RYR2: variants seen among roughly 807,000 people sequenced by gnomAD.
RYR2 encodes the protein ryanodine receptor 2, also known as cardiac muscle ryanodine receptor-calcium release channel.
RYR2 carries 227 observed loss-of-function variants against 601.1 expected under a neutral mutation model. The observed-to-expected ratio is 0.38, with a 90% CI of 0.34 to 0.42. The LOEUF (loss-of-function observed/expected upper bound fraction) is 0.42. Among genes scored for constraint, RYR2 ranks in the 10% least tolerant of loss-of-function variants. RYR2 has a pLI of 1.00. For missense variants in RYR2, 4,646 were observed against 6,156.5 expected (o/e 0.75, Z 8.21); for synonymous variants, 2,223 against 2,175.1 (o/e 1.02, Z -0.61).
At chr1:237,565,115 TTTTCTTTCTTTC>T (rs367736284) in intron 27 of RYR2, among the ~76,000 whole-genome samples, 1 of 8,764 alleles carries the variant, frequency 1.1e-4, no homozygotes, top group African/African-American at 1.4e-4. Context: ...CTTTCTTTCT[TTTTCTTTCTTTC>T]TTTCTTTCTT....
In RYR2 at chr1:237,617,440, T is replaced by A; in HGVS notation, c.5870T>A (p.Leu1957His). The stretch of plus-strand genomic sequence containing the variant: ...CAAGCCTTAAACATGTCAGCTGCAC[T>A]CACAGCCAGGAAGACAAAGGAATTT... ...VMQALNMSAA[L>H]TARKTKEFRS... is the part of the protein sequence containing the mutation. Residue 1957 changes from leucine to histidine, a missense_variant, in exon 38 of 105, where the codon CTC (leucine) becomes CAC (histidine). Transcript: ENST00000366574. The A allele has an allele frequency of 6.2e-7, 1 of 1,613,920 alleles. No individual in the cohort carries two copies. Among genetic ancestry groups the A allele is most frequent in the Non-Finnish European group, 8.5e-7 (1 of 1,179,852 alleles).
intron 84 of RYR2, among the ~76,000 whole-genome samples, chr1:237,768,006 G>T (rs561023033): frequency 6.6e-6 from 1 of 152,150 alleles, no homozygotes; most frequent in African/African-American, 2.4e-5. Flanking sequence ...ACCTGATAAA[G>T]AGAATGTTAG....
At chr1:237,272,125 G>A (rs974730414) in intron 2 of RYR2, among the ~76,000 whole-genome samples, 2 of 152,066 alleles carry the variant, frequency 1.3e-5, no homozygotes, top group African/African-American at 4.8e-5. Flanking sequence ...GCAAGATTCT[G>A]TCAAAAAGAA....
intron 2 of RYR2, among the ~76,000 whole-genome samples, chr1:237,329,914 T>A (rs16835142): frequency 6.6e-6 from 1 of 151,998 alleles, no homozygotes. Flanking sequence ...AATACAGATA[T>A]ACACAGAACA....
chr1:237,561,692 C>T (rs1671472706), intron 27 of RYR2, among the ~76,000 whole-genome samples: 1 of 152,072 alleles, frequency 6.6e-6, no homozygotes, highest in Non-Finnish European at 1.5e-5. Context: ...GCAAACTCAG[C>T]TAAGAAATGT....
chr1:237,181,456 T>C (rs1678748975), intron 1 of RYR2, among the ~76,000 whole-genome samples: 1 of 152,198 alleles, frequency 6.6e-6, no homozygotes, highest in Non-Finnish European at 1.5e-5. Context: ...CAAGAGAGGC[T>C]CTTTAACATC....
chr1:237,473,442 T>TTTCTTTCTTTCTTTCTTTCTTTC lies in RYR2; in HGVS notation c.1708+4275_1708+4276insTTCTTCTTTCTTTCTTTCTTTCT, dbSNP rs1553464684. Among the ~76,000 whole-genome samples the TTTCTTTCTTTCTTTCTTTCTTTC allele has an allele frequency of 5.3e-5, 3 of 56,664 alleles. 1 individual carries two copies. Among genetic ancestry groups the TTTCTTTCTTTCTTTCTTTCTTTC allele is most frequent in the African/African-American group, 1.1e-4 (3 of 26,474 alleles). The allele number at this position is 56,664 out of a possible 152,430, so 37.2% of individuals were successfully genotyped here. ...CCATCTCTCTCTCTCTCTTTCTTTC[T>TTTCTTTCTTTCTTTCTTTCTTTC]TTCTTTCTTTCTTTCTTTCTATCTA... On this transcript the variant is annotated intron_variant, in intron 17 of 104. Transcript: ENST00000366574.
At chr1:237,799,960 G>GT (rs2149411457) in intron 97 of RYR2, 1 of 151,166 alleles carries the variant, frequency 6.6e-6, no homozygotes, top group South Asian at 2.1e-4. Flanking sequence ...GAGCTTTGGA[G>GT]TCCCCCCGCC....
At chr1:237,125,076 T>G (rs1217775424) in intron 1 of RYR2, among the ~76,000 whole-genome samples, 1 of 152,206 alleles carries the variant, frequency 6.6e-6, no homozygotes, top group Non-Finnish European at 1.5e-5. Flanking sequence ...GGCTGCAGAG[T>G]TAACACGTGC....
Position 237,819,266 on chromosome 1 carries a change from G to A in RYR2, c.14590+74G>A. Reference sequence around the variant, plus strand: ...CATGTTGCTGAAGTTAATATTCAAGGTAGGGTAATGACGTCAAGTGTTTCC... The same window carrying A: ...CATGTTGCTGAAGTTAATATTCAAGATAGGGTAATGACGTCAAGTGTTTCC... On this transcript the variant is annotated intron_variant, in intron 101 of 104. Transcript: ENST00000366574. The surrounding 1 kb of genome is among the most constrained non-coding windows in gnomAD (Gnocchi z 4.0). 8.5e-6 allele frequency: 12 copies of A among 1,403,514 alleles called. No individual in the cohort carries two copies. Among genetic ancestry groups the A allele is most frequent in the Non-Finnish European group, 1.1e-5 (11 of 1,004,368 alleles). The allele number at this position is 1,403,514 out of a possible 1,614,324, so 86.9% of individuals were successfully genotyped here. A position where few individuals can be genotyped will look rare whatever the true frequency, so the allele number is the denominator to read the frequency against.
At chr1:237,589,182 T>C (rs1257148099) in intron 29 of RYR2, among the ~76,000 whole-genome samples, 1 of 152,218 alleles carries the variant, frequency 6.6e-6, no homozygotes, top group Admixed American at 6.5e-5. Flanking sequence ...ATTAAACATG[T>C]ATTTTTCCCC....
chr1:237,807,841 A>C (rs1574040613), intron 99 of RYR2, among the ~76,000 whole-genome samples: 2 of 152,206 alleles, frequency 1.3e-5, no homozygotes, highest in Admixed American at 1.3e-4. Flanking sequence ...TGCAGTCAAG[A>C]CCATAAAGAT....
At chr1:237,494,586 A>G (rs1240475847) in intron 19 of RYR2, among the ~76,000 whole-genome samples, 2 of 152,130 alleles carry the variant, frequency 1.3e-5, no homozygotes, top group African/African-American at 2.4e-5. Context: ...GCATCCTTCA[A>G]TCCAATCAAG....
At chr1:237,458,225 C>T (rs543969199) in intron 16 of RYR2, among the ~76,000 whole-genome samples, 3 of 152,180 alleles carry the variant, frequency 2.0e-5, no homozygotes, top group Non-Finnish European at 2.9e-5. Context: ...GTCAGGATTT[C>T]GAGACCAGCC....
In RYR2 at chr1:237,304,444, A is replaced by G. The variant is rs970997319; in HGVS notation, c.169-26434A>G. Reference sequence around the variant, plus strand: ...CTACACAAATGTAAATTGCTCTTAAAGAGGAAAATCTCTGATTATTCTGAA... The same window carrying G: ...CTACACAAATGTAAATTGCTCTTAAGGAGGAAAATCTCTGATTATTCTGAA... On this transcript the variant is annotated intron_variant, in intron 2 of 104. Transcript: ENST00000366574. Among the ~76,000 whole-genome samples, 11 of 152,264 alleles carry G rather than the reference A, an allele frequency of 7.2e-5. 1 individual carries two copies. The highest frequency in any genetic ancestry group is 5.8e-4 in the East Asian group (3 of 5,202).
intron 1 of RYR2, among the ~76,000 whole-genome samples, chr1:237,053,611 CCTT>C (rs1403396424): frequency 6.6e-6 from 1 of 152,238 alleles, no homozygotes; most frequent in Non-Finnish European, 1.5e-5. Context: ...GGTCTCTTCT[CCTT>C]CATTCTGAAA....
At chr1:237,492,212 A>T (rs1276913538) in intron 18 of RYR2, among the ~76,000 whole-genome samples, 1 of 152,100 alleles carries the variant, frequency 6.6e-6, no homozygotes, top group Non-Finnish European at 1.5e-5. Flanking sequence ...TTGTATTTTT[A>T]GTAGAGACAG....
At chr1:237,472,850 AAAGAGT>A (rs373614565) in intron 17 of RYR2, among the ~76,000 whole-genome samples, 2 of 152,138 alleles carry the variant, frequency 1.3e-5, no homozygotes, top group African/African-American at 4.8e-5. Context: ...GAGGAAAGAA[AAAGAGT>A]AAAACACTGG....
intron 29 of RYR2, among the ~76,000 whole-genome samples, chr1:237,570,239 A>C (rs1672536681): frequency 6.6e-6 from 1 of 150,390 alleles, no homozygotes; most frequent in African/African-American, 2.4e-5. Context: ...AAAAGATGGA[A>C]GGTGTTGGTG....
Sources: gnomAD v4.1 joint callset for allele counts (sites outside exome capture counted in the v4.1 genomes callset) on GRCh38, gnomAD v4.1.1 for gene constraint, Gnocchi (gnomAD v3.1) non-coding constraint, MANE v1.5 for transcripts, NCBI Gene and HGNC (gene_info 2026-07-23, HGNC 2026-07-21) for gene names.